The following CFAP210 variants were observed in gnomAD, a reference collection of about 807,000 sequenced individuals.
CFAP210 encodes cilia and flagella associated protein 210, also known as cilia- and flagella- associated protein 210.
the CFAP210 span, among the ~76,000 whole-genome samples, chr2:169,648,935 C>T: frequency 6.6e-6 from 1 of 152,082 alleles, no homozygotes; most frequent in Non-Finnish European, 1.5e-5. Flanking sequence ...TTTGTATTTT[C>T]TTTAATATTT....
the CFAP210 span, among the ~76,000 whole-genome samples, chr2:169,651,856 C>T: frequency 3.3e-5 from 5 of 149,714 alleles, no homozygotes; most frequent in Admixed American, 6.6e-5. Flanking sequence ...TAAATTTCTC[C>T]CTTTACACTA....
At chr2:169,686,880 T>A in the CFAP210 span, among the ~76,000 whole-genome samples, 2 of 152,210 alleles carry the variant, frequency 1.3e-5, no homozygotes, top group Non-Finnish European at 2.9e-5. Context: ...TATATTTTCA[T>A]GCTGCTGATA....
chr2:169,694,294 C>G, the CFAP210 span: 3 of 1,613,940 alleles, frequency 1.9e-6, no homozygotes, highest in African/African-American at 4.0e-5. Context: ...CAGCGCCGTC[C>G]AAACCGTACC....
the CFAP210 span, among the ~76,000 whole-genome samples, chr2:169,647,661 C>G: frequency 3.9e-5 from 6 of 152,126 alleles, no homozygotes; most frequent in East Asian, 1.2e-3. Flanking sequence ...AAATACTGAT[C>G]TTATTTGATC....
the CFAP210 span, among the ~76,000 whole-genome samples, chr2:169,655,962 G>A: frequency 1.3e-5 from 2 of 152,178 alleles, no homozygotes; most frequent in Non-Finnish European, 2.9e-5. Flanking sequence ...TTTATTCAGG[G>A]TAGAAATATG....
chr2:169,674,499 C>A, the CFAP210 span: 3 of 1,252,078 alleles, frequency 2.4e-6, no homozygotes, highest in Non-Finnish European at 3.3e-6. Context: ...GCATGTATTA[C>A]TTTTATAATT....
the CFAP210 span, among the ~76,000 whole-genome samples, chr2:169,652,052 T>A: frequency 6.6e-6 from 1 of 152,178 alleles, no homozygotes; most frequent in Non-Finnish European, 1.5e-5. Context: ...GCCTGGTACA[T>A]CATAAGAATA....
At chr2:169,686,400 A>G in the CFAP210 span, among the ~76,000 whole-genome samples, 1 of 136,796 alleles carries the variant, frequency 7.3e-6, no homozygotes, top group Non-Finnish European at 1.6e-5. Flanking sequence ...AAGTATTGCC[A>G]TCTGTCTTAG....
At chr2:169,649,323 T>G in the CFAP210 span, 5 of 1,611,132 alleles carry the variant, frequency 3.1e-6, no homozygotes, top group Non-Finnish European at 4.2e-6. Context: ...TTCTTTGTCT[T>G]TCTTCTTCCT....
At chr2:169,670,305 G>A in the CFAP210 span, among the ~76,000 whole-genome samples, 6 of 151,872 alleles carry the variant, frequency 4.0e-5, no homozygotes, top group South Asian at 2.1e-4. Flanking sequence ...TTGTCTTATC[G>A]CCGTCACACC....
the CFAP210 span, among the ~76,000 whole-genome samples, chr2:169,653,012 A>AG: frequency 1.8e-5 from 1 of 56,458 alleles, no homozygotes; most frequent in African/African-American, 7.3e-5. Flanking sequence ...AAAAAAAAAA[A>AG]AAAAAAAAAA....
At chr2:169,673,832 T>C in the CFAP210 span, among the ~76,000 whole-genome samples, 2 of 152,146 alleles carry the variant, frequency 1.3e-5, no homozygotes, top group African/African-American at 4.8e-5. Flanking sequence ...CTATACTTTT[T>C]AAAAGGTGAA....
At chr2:169,655,888 A>C in the CFAP210 span, among the ~76,000 whole-genome samples, 1 of 152,266 alleles carries the variant, frequency 6.6e-6, no homozygotes, top group African/African-American at 2.4e-5. Flanking sequence ...GAAACTCAGT[A>C]GAACAAAAAG....
At chr2:169,656,964 CAAAAAAAAAAA>C in the CFAP210 span, among the ~76,000 whole-genome samples, 1 of 40,338 alleles carries the variant, frequency 2.5e-5, no homozygotes, top group Admixed American at 4.1e-4. Flanking sequence ...GACTCCATCT[CAAAAAAAAAAA>C]AAAAAAAAAA....
chr2:169,651,087 C>T, the CFAP210 span, among the ~76,000 whole-genome samples: 3 of 151,644 alleles, frequency 2.0e-5, no homozygotes, highest in East Asian at 3.9e-4. Context: ...ATTAGCCGGG[C>T]GTGGTGGCAG....
At chr2:169,655,428 G>A in the CFAP210 span, among the ~76,000 whole-genome samples, 3 of 152,170 alleles carry the variant, frequency 2.0e-5, no homozygotes, top group Non-Finnish European at 4.4e-5. Flanking sequence ...CCTATTTTAT[G>A]GGTTAATTTT....
the CFAP210 span, among the ~76,000 whole-genome samples, chr2:169,688,771 C>T: frequency 6.6e-6 from 1 of 152,214 alleles, no homozygotes; most frequent in Non-Finnish European, 1.5e-5. Flanking sequence ...AAGTTCCAAA[C>T]TTTCCCACAT....
chr2:169,687,165 G>A, the CFAP210 span, among the ~76,000 whole-genome samples: 1 of 152,156 alleles, frequency 6.6e-6, no homozygotes, highest in African/African-American at 2.4e-5. Flanking sequence ...GGAATTCTGG[G>A]AGATACAATT....
the CFAP210 span, among the ~76,000 whole-genome samples, chr2:169,666,352 C>A: frequency 6.7e-6 from 1 of 148,200 alleles, no homozygotes; most frequent in Non-Finnish European, 1.5e-5. Flanking sequence ...CAAGAAAAAA[C>A]AAACAAACAA....
Sources: gnomAD v4.1 joint callset for allele counts (sites outside exome capture counted in the v4.1 genomes callset) on GRCh38, gnomAD v4.1.1 for gene constraint, MANE v1.5 for transcripts, NCBI Gene and HGNC (gene_info 2026-07-23, HGNC 2026-07-21) for gene names.